The following AHI1 variants were observed in gnomAD, a reference collection of about 807,000 sequenced individuals.
The protein encoded by AHI1 is jouberin.
AHI1 carries 123 observed loss-of-function variants against 149.3 expected under a neutral mutation model. That is an observed-to-expected ratio of 0.82 (90% CI 0.71 to 0.96). The LOEUF is 0.96. AHI1 is among the 40% of genes least tolerant of loss of function. The probability of loss-of-function intolerance (pLI) is 0.00; values close to 1 mark genes in which losing one functional copy is unlikely to be tolerated. For missense variants in AHI1, 1,439 were observed against 1,422.7 expected (o/e 1.01, Z -0.18); for synonymous variants, 475 against 459.8 (o/e 1.03, Z -0.42).
intron 14 of AHI1, among the ~76,000 whole-genome samples, chr6:135,440,611 C>G (rs1050814560): frequency 6.6e-6 from 1 of 151,996 alleles, no homozygotes; most frequent in Admixed American, 6.6e-5. Context: ...GATTGTGTAC[C>G]GAAGCATTGA....
intron 23 of AHI1, among the ~76,000 whole-genome samples, chr6:135,359,655 C>T (rs1793540005): frequency 6.6e-6 from 1 of 152,138 alleles, no homozygotes; most frequent in Non-Finnish European, 1.5e-5. Context: ...AATAGTGTGG[C>T]ATGGCAACTG....
At position 135,369,339 on chromosome 6, in the gene AHI1, T is replaced by C. The variant is rs373346435; in HGVS notation, c.3110-11152A>G. On this transcript the variant is annotated intron_variant, in intron 23 of 28. Transcript: ENST00000265602. ...TGGATTCTCTTGGCTTTTCTGGTAG[T>C]AGTTCTTGGAGCAAAAGTTCACAGT... is the stretch of plus-strand genomic sequence containing the variant. Among the ~76,000 whole-genome samples, 12 of 152,320 alleles carry C rather than the reference T, an allele frequency of 7.9e-5. 1 individual carries two copies. The highest frequency in any genetic ancestry group is 1.9e-4 in the East Asian group (1 of 5,190).
chr6:135,341,904 A>G (rs771301490), intron 24 of AHI1, among the ~76,000 whole-genome samples: 1 of 151,964 alleles, frequency 6.6e-6, no homozygotes, highest in Non-Finnish European at 1.5e-5. Context: ...AAATTGTTAA[A>G]TAAAAATTAA....
intron 20 of AHI1, among the ~76,000 whole-genome samples, chr6:135,422,277 G>A (rs1478800536): frequency 6.6e-6 from 1 of 152,132 alleles, no homozygotes; most frequent in Admixed American, 6.6e-5. Context: ...AGCACTTTGG[G>A]AGGCCAAGGT....
chr6:135,425,225 C>A (rs898487455), intron 20 of AHI1, among the ~76,000 whole-genome samples: 3 of 151,862 alleles, frequency 2.0e-5, no homozygotes, highest in Admixed American at 1.3e-4. Flanking sequence ...AATGTGTCTA[C>A]TATTTGAATA....
intron 9 of AHI1, among the ~76,000 whole-genome samples, chr6:135,456,498 T>C (rs1451633331): frequency 6.6e-6 from 1 of 151,674 alleles, no homozygotes; most frequent in African/African-American, 2.4e-5. Context: ...TAAGCTGTGA[T>C]TGCACCACTG....
intron 23 of AHI1, among the ~76,000 whole-genome samples, chr6:135,369,374 T>C (rs1362248332): frequency 6.6e-6 from 1 of 152,236 alleles, no homozygotes; most frequent in Non-Finnish European, 1.5e-5. Flanking sequence ...TGTGATTCTC[T>C]GTGCACTGCT....
intron 26 of AHI1, among the ~76,000 whole-genome samples, chr6:135,308,104 A>T (rs1488638764): frequency 1.3e-5 from 2 of 152,222 alleles, no homozygotes; most frequent in Admixed American, 1.3e-4. Context: ...GACTGATACT[A>T]GTCAATTTGG....
At chr6:135,492,134 C>T in intron 4 of AHI1, 94 bp downstream of exon 4, 1 of 901,050 alleles carries the variant, frequency 1.1e-6, no homozygotes. Flanking sequence ...CTACTGTATT[C>T]ATTAATCTGT....
chr6:135,425,990 C>T (rs1333007352), intron 20 of AHI1, among the ~76,000 whole-genome samples: 1 of 151,826 alleles, frequency 6.6e-6, no homozygotes, highest in Non-Finnish European at 1.5e-5. Context: ...AATAACTGTG[C>T]TGCCTATTTC....
chr6:135,350,621 G>T (rs1017728778), intron 24 of AHI1, among the ~76,000 whole-genome samples: 5 of 152,250 alleles, frequency 3.3e-5, no homozygotes, highest in African/African-American at 1.2e-4. Flanking sequence ...GGAAAAAAAA[G>T]AAAGTGTAAT....
chr6:135,362,189 T>C (rs1276271805), intron 23 of AHI1, among the ~76,000 whole-genome samples: 1 of 152,170 alleles, frequency 6.6e-6, no homozygotes, highest in Non-Finnish European at 1.5e-5. Context: ...TACTTGGTGA[T>C]TGATGGGCAT....
intron 22 of AHI1, among the ~76,000 whole-genome samples, chr6:135,399,077 A>C (rs542377949): frequency 1.3e-5 from 2 of 152,220 alleles, no homozygotes; most frequent in African/African-American, 4.8e-5. Context: ...TCAGCTACCC[A>C]GGAGGCTGAG....
rs114408616 is a variant in AHI1 at position 135,424,894 on chromosome 6, A to G, written c.2764+2273T>C. Among the ~76,000 whole-genome samples the G allele has an allele frequency of 9.5e-3, 1,449 of 152,084 alleles. 34 individuals are homozygous for G. Among genetic ancestry groups the G allele is most frequent in the African/African-American group, 0.033 (1,387 of 41,542 alleles). ...TTTTATACTATTAAAATATTTATGT[A>G]AAGCCATATGTAAACTTTATTTTCA... On this transcript the variant is annotated intron_variant, in intron 20 of 28. Transcript: ENST00000265602.
In AHI1 at chr6:135,465,986, G is replaced by C. The variant is rs186783702; in HGVS notation, c.577C>G (p.Gln193Glu). 13 of 1,613,862 alleles carry C rather than the reference G, an allele frequency of 8.1e-6. No individual in the cohort carries two copies. In the East Asian group the frequency reaches 2.7e-4, roughly 33 times the overall value. The change falls in exon 7 of 29, where the codon CAG becomes GAG. Residue 193 changes from glutamine (Q) to glutamate (E), a missense_variant. Coordinates refer to ENST00000265602, the MANE Select transcript of AHI1 (RefSeq NM_001134831.2). Reference protein sequence around the residue: ...EEDEELMQAYQCHVTEEMAKE... With the variant: ...EEDEELMQAYECHVTEEMAKE... ...GCCATTTCTTCAGTTACATGGCACT[G>C]ATATGCTTGCATCAATTCTTCATCC...
At chr6:135,320,397 T>C (rs888181576) in intron 25 of AHI1, among the ~76,000 whole-genome samples, 4 of 152,236 alleles carry the variant, frequency 2.6e-5, no homozygotes, top group Non-Finnish European at 4.4e-5. Context: ...CACTGCAATA[T>C]GCTTCAGAGG....
intron 24 of AHI1, among the ~76,000 whole-genome samples, chr6:135,338,117 G>A (rs1044436547): frequency 6.6e-6 from 1 of 151,944 alleles, no homozygotes; most frequent in African/African-American, 2.4e-5. Flanking sequence ...GGCCAACGTG[G>A]TGAAGCCCTG....
At chr6:135,350,200 T>C (rs1419674126) in intron 24 of AHI1, among the ~76,000 whole-genome samples, 1 of 152,222 alleles carries the variant, frequency 6.6e-6, no homozygotes, top group Non-Finnish European at 1.5e-5. Context: ...GCCTCTTCAA[T>C]TGCTTCTGAT....
chr6:135,318,582 C>T lies in AHI1; in HGVS notation c.3363G>A (p.Glu1121=), dbSNP rs1786327899. 3 of 1,605,574 alleles carry T rather than the reference C, an allele frequency of 1.9e-6. No homozygotes were observed. The highest frequency in any genetic ancestry group is 2.6e-6 in the Non-Finnish European group (3 of 1,176,100). ...CCTCAGGGCTTAAAGGAGGGGATCGCTCCTTTATCTCAGGAGGCAGTTCTT... is the reference window on the plus strand; with the variant it reads ...CCTCAGGGCTTAAAGGAGGGGATCGTTCCTTTATCTCAGGAGGCAGTTCTT... ...LYQELPPEIK[E]RSPPLSPEEK... Residue 1121 remains glutamate (E), a synonymous_variant, in exon 26 of 29, where the codon GAG becomes GAA. Transcript: ENST00000265602.
Sources: allele counts gnomAD v4.1 joint callset (sites outside exome capture counted in the v4.1 genomes callset), GRCh38; gene constraint gnomAD v4.1.1; transcripts MANE v1.5; gene names NCBI Gene and HGNC (gene_info 2026-07-23, HGNC 2026-07-21).